CLVS1: variants seen among roughly 807,000 people sequenced by gnomAD.
CLVS1 encodes the protein clavesin 1, also known as clavesin-1.
CLVS1 carries 10 observed loss-of-function variants against 33.1 expected under a neutral mutation model. The ratio of observed to expected loss-of-function variants is 0.30; its 90% CI spans 0.19 to 0.51. CLVS1 has a LOEUF of 0.51. CLVS1 is among the 20% of genes least tolerant of loss of function. The probability of loss-of-function intolerance (pLI) is 0.97; values close to 1 mark genes in which losing one functional copy is unlikely to be tolerated. For missense variants in CLVS1, 343 were observed against 433.4 expected, an observed-to-expected ratio of 0.79 and a Z score of 1.85; for synonymous variants, 163 against 166.1, an observed-to-expected ratio of 0.98 and a Z score of 0.14.
At chr8:61,114,704 C>T (rs1393337281) in intron 1 of CLVS1, among the ~76,000 whole-genome samples, 1 of 152,128 alleles carries the variant, frequency 6.6e-6, no homozygotes, top group Non-Finnish European at 1.5e-5. Flanking sequence ...CAGAAGAATT[C>T]TTGATATATT....
At position 61,370,958 on chromosome 8, in the gene CLVS1, A is replaced by G. The variant is rs371708975; in HGVS notation, c.456-5647A>G. On this transcript the variant is annotated intron_variant, in intron 2 of 5. Transcript: ENST00000325897. ...AATTGCAAATTATCCCACTATAAACATGCATGAGCAAGTGTCTTTTTCTTA... is the reference window on the plus strand; with the variant it reads ...AATTGCAAATTATCCCACTATAAACGTGCATGAGCAAGTGTCTTTTTCTTA... Among the ~76,000 whole-genome samples the G allele has an allele frequency of 2.1e-3, 325 of 152,304 alleles. 2 individuals carry two copies. The highest frequency in any genetic ancestry group is 7.2e-3 in the African/African-American group (298 of 41,542).
At chr8:60,988,304 A>C in the CLVS1 span, among the ~76,000 whole-genome samples, 1 of 152,158 alleles carries the variant, frequency 6.6e-6, no homozygotes. Context: ...CCTCTCCTCA[A>C]TGCTGAGAAG....
chr8:61,315,024 C>T (rs1346677424), intron 2 of CLVS1, among the ~76,000 whole-genome samples: 1 of 152,164 alleles, frequency 6.6e-6, no homozygotes, highest in Non-Finnish European at 1.5e-5. Context: ...AGCAGGCAAG[C>T]ATGAAGTATC....
chr8:61,035,286 A>G, the CLVS1 span, among the ~76,000 whole-genome samples: 3 of 149,152 alleles, frequency 2.0e-5, no homozygotes, highest in Non-Finnish European at 4.4e-5. Flanking sequence ...TTTCTCATTC[A>G]CTAAAGCTAC....
chr8:60,985,711 A>G, the CLVS1 span, among the ~76,000 whole-genome samples: 10 of 152,106 alleles, frequency 6.6e-5, no homozygotes, highest in Admixed American at 5.9e-4. Context: ...GCAAAGTATA[A>G]TAGTAGCTCA....
At chr8:61,067,904 C>T (rs1804711707) in intron 1 of CLVS1, among the ~76,000 whole-genome samples, 2 of 151,892 alleles carry the variant, frequency 1.3e-5, no homozygotes, top group South Asian at 2.1e-4. Flanking sequence ...TGGGATCAAC[C>T]ATACCCCAAA....
intron 3 of CLVS1, among the ~76,000 whole-genome samples, chr8:61,382,192 A>G (rs1308775489): frequency 2.6e-5 from 4 of 152,216 alleles, no homozygotes; most frequent in African/African-American, 7.2e-5. Flanking sequence ...ATGAGTATCA[A>G]TGATTGATCA....
chr8:61,410,824 T>C (rs1203327074), intron 3 of CLVS1, among the ~76,000 whole-genome samples: 2 of 152,104 alleles, frequency 1.3e-5, no homozygotes, highest in Non-Finnish European at 2.9e-5. Flanking sequence ...GTATTTTTAG[T>C]ACAGAGGGGA....
chr8:61,406,906 G>A (rs1388219157), intron 3 of CLVS1, among the ~76,000 whole-genome samples: 1 of 152,118 alleles, frequency 6.6e-6, no homozygotes, highest in Non-Finnish European at 1.5e-5. Flanking sequence ...GCCGCGCCAG[G>A]CCGACATAAA....
chr8:61,432,880 C>A (rs1173235491), intron 3 of CLVS1, among the ~76,000 whole-genome samples: 3 of 151,934 alleles, frequency 2.0e-5, no homozygotes, highest in African/African-American at 7.3e-5. Context: ...GTGCTTTTTC[C>A]AAAGAGAGTT....
At chr8:61,262,806 T>A (rs1194702702) in intron 2 of CLVS1, among the ~76,000 whole-genome samples, 2 of 152,238 alleles carry the variant, frequency 1.3e-5, no homozygotes, top group African/African-American at 4.8e-5. Context: ...TACAGTTGAC[T>A]TGCCCTTTCT....
At chr8:61,083,627 A>C (rs938124320) in intron 1 of CLVS1, among the ~76,000 whole-genome samples, 3 of 152,180 alleles carry the variant, frequency 2.0e-5, no homozygotes, top group Non-Finnish European at 4.4e-5. Flanking sequence ...CAAACCCAGG[A>C]TGTTATTTAA....
chr8:61,176,814 A>T (rs1048706946), intron 2 of CLVS1, among the ~76,000 whole-genome samples: 18 of 152,142 alleles, frequency 1.2e-4, no homozygotes, highest in African/African-American at 4.3e-4. Context: ...TTTTCCACGG[A>T]TCTGTGCAAC....
At chr8:61,273,094 G>C (rs931086753) in intron 2 of CLVS1, among the ~76,000 whole-genome samples, 1 of 150,708 alleles carries the variant, frequency 6.6e-6, no homozygotes, top group South Asian at 2.1e-4. Context: ...CAGTTTTTCT[G>C]TTCTGTTTTT....
At chr8:61,221,760 T>C (rs1018389062) in intron 2 of CLVS1, among the ~76,000 whole-genome samples, 3 of 152,218 alleles carry the variant, frequency 2.0e-5, no homozygotes. Flanking sequence ...GAACCAATGG[T>C]ACCAGCTTGT....
chr8:61,149,580 ACAAAAAG>A (rs1806487968), intron 2 of CLVS1, among the ~76,000 whole-genome samples: 1 of 150,640 alleles, frequency 6.6e-6, no homozygotes. Context: ...AAAAAACAAA[ACAAAAAG>A]AAAAAGAAAA....
At chr8:61,302,498 T>C (rs372368945) in intron 2 of CLVS1, among the ~76,000 whole-genome samples, 40 of 152,188 alleles carry the variant, frequency 2.6e-4, no homozygotes, top group African/African-American at 9.7e-4. Flanking sequence ...GACCCCATTG[T>C]TCAGCTGGAT....
At chr8:61,235,483 G>A (rs566141396) in intron 2 of CLVS1, among the ~76,000 whole-genome samples, 1 of 152,314 alleles carries the variant, frequency 6.6e-6, no homozygotes, top group South Asian at 2.1e-4. Flanking sequence ...GTCACATTTT[G>A]TAGAATAGTT....
At chr8:61,367,179 ACATAGTTCCTGCT>A (rs1375447756) in intron 2 of CLVS1, among the ~76,000 whole-genome samples, 4 of 152,156 alleles carry the variant, frequency 2.6e-5, no homozygotes, top group Non-Finnish European at 2.9e-5. Flanking sequence ...CCTTTGATGC[ACATAGTTCCTGCT>A]GCCAGCCCAA....
Sources: gnomAD v4.1 joint callset for allele counts (sites outside exome capture counted in the v4.1 genomes callset) on GRCh38, gnomAD v4.1.1 for gene constraint, MANE v1.5 for transcripts, NCBI Gene and HGNC (gene_info 2026-07-23, HGNC 2026-07-21) for gene names.